The following SLCO5A1 variants were observed in gnomAD, a reference collection of about 807,000 sequenced individuals.
SLCO5A1 encodes the protein organic anion transporter polypeptide-related protein 4.
In SLCO5A1, 39 loss-of-function variants were observed where a neutral mutation model predicts 65.1. The observed-to-expected ratio is 0.60, with a 90% confidence interval of 0.46 to 0.78. The LOEUF (loss-of-function observed/expected upper bound fraction) is 0.78, where lower values mean the gene tolerates loss of function less well. Ranked by LOEUF, SLCO5A1 falls within the 30% of genes least tolerant of loss-of-function variation. The probability of loss-of-function intolerance (pLI) is 0.00; values close to 1 mark genes in which losing one functional copy is unlikely to be tolerated. For missense variants in SLCO5A1, 1,029 were observed against 1,069.4 expected (o/e 0.96, Z 0.53); for synonymous variants, 438 against 415.7 (o/e 1.05, Z -0.65).
intron 2 of SLCO5A1, among the ~76,000 whole-genome samples, chr8:69,811,793 T>C (rs1194634686): frequency 6.6e-6 from 1 of 152,214 alleles, no homozygotes; most frequent in Non-Finnish European, 1.5e-5. Flanking sequence ...TTTAAGTGCA[T>C]CCTGGGCATT....
At chr8:69,710,907 C>T (rs1815212347) in intron 5 of SLCO5A1, among the ~76,000 whole-genome samples, 1 of 152,088 alleles carries the variant, frequency 6.6e-6, no homozygotes, top group Admixed American at 6.6e-5. Flanking sequence ...ATGGACATTG[C>T]TTGGATCTCC....
At position 69,683,433 on chromosome 8, in the gene SLCO5A1, C is replaced by T. The variant is rs1221269826; in HGVS notation, c.1623-1090G>A. Among the ~76,000 whole-genome samples, 3 of 152,098 alleles carry T rather than the reference C, an allele frequency of 2.0e-5. No homozygotes were observed. In the East Asian group the frequency reaches 5.8e-4, roughly 29 times the overall value. Reference sequence around the variant, plus strand: ...AATAGATTTAGAGGGGGTGAAAGAACAGTTTTGTCATGTGGATATATTGTG... The same window carrying T: ...AATAGATTTAGAGGGGGTGAAAGAATAGTTTTGTCATGTGGATATATTGTG... On this transcript the variant is annotated intron_variant, in intron 6 of 9. Coordinates refer to ENST00000260126, the MANE Select transcript of SLCO5A1 (RefSeq NM_030958.3).
chr8:69,720,713 G>C (rs1815779465), intron 5 of SLCO5A1, among the ~76,000 whole-genome samples: 1 of 152,154 alleles, frequency 6.6e-6, no homozygotes, highest in Admixed American at 6.5e-5. Flanking sequence ...TTATTTGTTT[G>C]TGTGTTATCA....
chr8:69,711,724 C>A (rs1345249830), intron 5 of SLCO5A1, among the ~76,000 whole-genome samples: 1 of 152,194 alleles, frequency 6.6e-6, no homozygotes, highest in Non-Finnish European at 1.5e-5. Context: ...TTCCAGGCCT[C>A]GGATTTTCTC....
At chr8:69,757,221 C>T (rs1023086136) in intron 3 of SLCO5A1, among the ~76,000 whole-genome samples, 9 of 152,038 alleles carry the variant, frequency 5.9e-5, no homozygotes, top group Non-Finnish European at 1.3e-4. Flanking sequence ...CAGTAAAGGG[C>T]TTTATTTTGA....
At position 69,832,895 on chromosome 8, in the gene SLCO5A1, G is replaced by T; in HGVS notation, c.-222C>A. The stretch of plus-strand genomic sequence containing the variant: ...AAGGCTCCGCAGCCGCGTGCCACAG[G>T]GGGCAGGGGTCCGCGCGGTACTGCG... On this transcript the variant is annotated 5_prime_UTR_variant, in exon 2 of 10. Transcript: ENST00000260126. The surrounding 1 kb of genome is among the most constrained non-coding windows in gnomAD (Gnocchi z 4.5). 3.4e-6 allele frequency: 2 copies of T among 594,466 alleles called. No homozygotes were observed. The highest frequency in any genetic ancestry group is 4.1e-5 in the South Asian group (2 of 49,164). 36.8% of individuals were successfully genotyped at this position (594,466 alleles called of 1,614,324 possible). A position where few individuals can be genotyped will look rare whatever the true frequency, so the allele number is the denominator to read the frequency against.
intron 6 of SLCO5A1, among the ~76,000 whole-genome samples, chr8:69,683,065 G>GA (rs1007291895): frequency 5.9e-5 from 9 of 152,124 alleles, no homozygotes; most frequent in African/African-American, 1.9e-4. Flanking sequence ...GATACCATAT[G>GA]AAAGGCTTGA....
chr8:69,682,169 G>A lies in SLCO5A1; in HGVS notation c.1782+15C>T. On this transcript the variant is annotated intron_variant, in intron 7 of 9. Transcript: ENST00000260126. The stretch of plus-strand genomic sequence containing the variant: ...TGTTGGACTAACAGAAGAGGAACTT[G>A]TGAAATATACTCACCCCAGTGCTAA... 1 of 1,595,564 alleles carries A rather than the reference G, an allele frequency of 6.3e-7. No individual in the cohort carries two copies. The highest frequency in any genetic ancestry group is 8.5e-7 in the Non-Finnish European group (1 of 1,172,984).
At chr8:69,679,270 T>G (rs575982075) in intron 8 of SLCO5A1, 108 bp downstream of exon 8, 4 of 1,483,758 alleles carry the variant, frequency 2.7e-6, no homozygotes, top group Non-Finnish European at 3.7e-6. Flanking sequence ...CTGCACATGC[T>G]AATTTTGCTT....
At chr8:69,802,982 A>C (rs1819817174) in intron 2 of SLCO5A1, among the ~76,000 whole-genome samples, 1 of 148,904 alleles carries the variant, frequency 6.7e-6, no homozygotes, top group African/African-American at 2.4e-5. Context: ...TGTTGAATGA[A>C]TTAATTAATG....
intron 2 of SLCO5A1, among the ~76,000 whole-genome samples, chr8:69,780,822 AT>A (rs1406841183): frequency 6.6e-6 from 1 of 152,156 alleles, no homozygotes; most frequent in Non-Finnish European, 1.5e-5. Context: ...ATTTATACAA[AT>A]AAAAAAGAAG....
At chr8:69,718,255 T>C (rs1346823470) in intron 5 of SLCO5A1, among the ~76,000 whole-genome samples, 1 of 152,244 alleles carries the variant, frequency 6.6e-6, no homozygotes, top group Admixed American at 6.5e-5. Flanking sequence ...TGCAACCTTG[T>C]TGAACATATT....
At chr8:69,724,577 C>T (rs1815978271) in intron 5 of SLCO5A1, among the ~76,000 whole-genome samples, 1 of 152,172 alleles carries the variant, frequency 6.6e-6, no homozygotes, top group Admixed American at 6.5e-5. Flanking sequence ...GAAGCTGAGC[C>T]TGGCAGCAAA....
intron 5 of SLCO5A1, among the ~76,000 whole-genome samples, chr8:69,736,305 T>C (rs569923904): frequency 6.6e-6 from 1 of 152,320 alleles, no homozygotes; most frequent in African/African-American, 2.4e-5. Context: ...ACACCCCAGC[T>C]CCAGCTGAAC....
chr8:69,696,229 G>A (rs1814492589), intron 6 of SLCO5A1, among the ~76,000 whole-genome samples: 1 of 152,194 alleles, frequency 6.6e-6, no homozygotes. Flanking sequence ...GTTCCCTTCT[G>A]AGAACACACT....
intron 9 of SLCO5A1, among the ~76,000 whole-genome samples, chr8:69,675,365 TG>T (rs980343368): frequency 1.4e-4 from 21 of 151,794 alleles, no homozygotes; most frequent in Admixed American, 6.6e-5. Flanking sequence ...TTAGTAGAGA[TG>T]GGGTTTCGTC....
intron 3 of SLCO5A1, among the ~76,000 whole-genome samples, chr8:69,760,323 A>T (rs1310449683): frequency 6.6e-6 from 1 of 152,208 alleles, no homozygotes; most frequent in African/African-American, 2.4e-5. Context: ...TCCTTTCTGT[A>T]TGATTTAAAA....
intron 5 of SLCO5A1, among the ~76,000 whole-genome samples, chr8:69,705,892 T>C (rs1355815330): frequency 6.6e-6 from 1 of 152,220 alleles, no homozygotes; most frequent in African/African-American, 2.4e-5. Flanking sequence ...CATTATCTGG[T>C]AGAGTTGAAG....
At chr8:69,785,364 C>A (rs1229100948) in intron 2 of SLCO5A1, among the ~76,000 whole-genome samples, 2 of 152,082 alleles carry the variant, frequency 1.3e-5, no homozygotes, top group African/African-American at 4.8e-5. Flanking sequence ...TTTAGTAAAT[C>A]TTATTGTAAT....
Sources: gnomAD v4.1 joint callset for allele counts (sites outside exome capture counted in the v4.1 genomes callset) on GRCh38, gnomAD v4.1.1 for gene constraint, Gnocchi (gnomAD v3.1) non-coding constraint, MANE v1.5 for transcripts, NCBI Gene and HGNC (gene_info 2026-07-23, HGNC 2026-07-21) for gene names.